The following SDCCAG8 variants were observed in gnomAD, a reference collection of about 807,000 sequenced individuals.
SDCCAG8 encodes serologically defined colon cancer antigen 8.
In SDCCAG8, 74 loss-of-function variants were observed where a neutral mutation model predicts 101.8. The ratio of observed to expected loss-of-function variants is 0.73; its 90% CI spans 0.60 to 0.88. The LOEUF (loss-of-function observed/expected upper bound fraction) is 0.88, where lower values mean the gene tolerates loss of function less well. Ranked by LOEUF, SDCCAG8 falls within the 40% of genes least tolerant of loss-of-function variation. The probability of loss-of-function intolerance (pLI) is 0.00; values close to 1 mark genes in which losing one functional copy is unlikely to be tolerated. For synonymous variants in SDCCAG8, 281 were observed against 292.9 expected (o/e 0.96, Z 0.41); for missense variants, 787 against 822.6 (o/e 0.96, Z 0.53).
At position 243,441,721 on chromosome 1, in the gene SDCCAG8, T is replaced by C. The variant is rs528886414; in HGVS notation, c.1985+15163T>C. Among the ~76,000 whole-genome samples the C allele has an allele frequency of 5.0e-4, 76 of 152,310 alleles. 1 individual carries two copies. The highest frequency in any genetic ancestry group is 1.8e-3 in the African/African-American group (75 of 41,574). ...CAGATATATCATACAGACTTTGGAG[T>C]ATCTTAACATTGAGATTGTTTTATA... On this transcript the variant is annotated intron_variant, in intron 16 of 17. Transcript: ENST00000366541.
intron 9 of SDCCAG8, among the ~76,000 whole-genome samples, chr1:243,324,635 G>T (rs895549700): frequency 6.6e-6 from 1 of 151,780 alleles, no homozygotes; most frequent in Middle Eastern, 3.4e-3. Context: ...TATACTTCAC[G>T]TATTCTTATA....
intron 12 of SDCCAG8, among the ~76,000 whole-genome samples, chr1:243,353,516 A>AAAAAAAAAAG (rs1157553014): frequency 6.7e-6 from 1 of 148,514 alleles, no homozygotes; most frequent in African/African-American, 2.5e-5. Flanking sequence ...AAAAAAAAAA[A>AAAAAAAAAAG]AAAAAAAGAA....
intron 13 of SDCCAG8, among the ~76,000 whole-genome samples, chr1:243,391,485 AGT>A (rs2078693919): frequency 6.6e-6 from 1 of 152,206 alleles, no homozygotes; most frequent in African/African-American, 2.4e-5. Context: ...CTGAGCTAAG[AGT>A]GTGCTCCACC....
intron 12 of SDCCAG8, among the ~76,000 whole-genome samples, chr1:243,362,271 A>G (rs936487871): frequency 6.6e-6 from 1 of 151,830 alleles, no homozygotes; most frequent in Non-Finnish European, 1.5e-5. Context: ...CAGTAACTGG[A>G]TGGATAGGTG....
chr1:243,278,527 T>G (rs2068765622), intron 4 of SDCCAG8, among the ~76,000 whole-genome samples: 1 of 152,228 alleles, frequency 6.6e-6, no homozygotes, highest in Non-Finnish European at 1.5e-5. Flanking sequence ...CCACCTATTT[T>G]ATTTTTTAGT....
At chr1:243,267,625 C>T (rs998946208) in intron 1 of SDCCAG8, 2 of 660,656 alleles carry the variant, frequency 3.0e-6, no homozygotes, top group South Asian at 1.6e-5. Context: ...AAAAAAGTCC[C>T]GGTCAACTGT....
chr1:243,363,680 C>G (rs1000673004), intron 12 of SDCCAG8, among the ~76,000 whole-genome samples: 5 of 152,064 alleles, frequency 3.3e-5, no homozygotes, highest in African/African-American at 1.2e-4. Context: ...CTGTTCTATG[C>G]CTATTTTATT....
chr1:243,287,674 A>C (rs1400244838), intron 5 of SDCCAG8, among the ~76,000 whole-genome samples: 1 of 152,230 alleles, frequency 6.6e-6, no homozygotes, highest in East Asian at 1.9e-4. Flanking sequence ...TTTAATGTCA[A>C]TTTGAGGAAG....
chr1:243,409,655 G>T (rs2080030790), intron 13 of SDCCAG8, among the ~76,000 whole-genome samples: 1 of 152,164 alleles, frequency 6.6e-6, no homozygotes. Context: ...ATAGAGACAT[G>T]TCACGTAGGA....
intron 5 of SDCCAG8, 65 bp downstream of exon 5, chr1:243,286,462 C>T (rs2069627764): frequency 1.4e-5 from 22 of 1,537,800 alleles, no homozygotes; most frequent in South Asian, 5.7e-5. Context: ...CCTCTCTCCT[C>T]GCCTTCTTCG....
At chr1:243,349,589 T>C (rs2075966352) in intron 12 of SDCCAG8, among the ~76,000 whole-genome samples, 1 of 152,104 alleles carries the variant, frequency 6.6e-6, no homozygotes, top group African/African-American at 2.4e-5. Context: ...ATAATAACAA[T>C]GGTTTTAGAG....
At chr1:243,451,998 C>T (rs966179690) in intron 16 of SDCCAG8, among the ~76,000 whole-genome samples, 3 of 152,304 alleles carry the variant, frequency 2.0e-5, no homozygotes, top group African/African-American at 7.2e-5. Flanking sequence ...GGTCATGACC[C>T]ACAGTTAAAA....
Position 243,271,835 on chromosome 1 carries a change from C to T in SDCCAG8, c.306+772C>T, listed in dbSNP as rs537876596. Reference sequence around the variant, plus strand: ...CCGGGATTATAGGTGTGAGCCACCGCGCCTGGCCTCAAAATAATACGTTTT... The same window carrying T: ...CCGGGATTATAGGTGTGAGCCACCGTGCCTGGCCTCAAAATAATACGTTTT... On this transcript the variant is annotated intron_variant, in intron 3 of 17. Transcript: ENST00000366541. 5.5e-4 allele frequency among the ~76,000 whole-genome samples: 83 copies of T among 152,148 alleles called. 1 individual carries two copies. Among genetic ancestry groups the T allele is most frequent in the African/African-American group, 1.9e-3 (77 of 41,508 alleles).
intron 10 of SDCCAG8, among the ~76,000 whole-genome samples, chr1:243,331,897 A>G (rs2074625393): frequency 6.6e-6 from 1 of 152,196 alleles, no homozygotes; most frequent in African/African-American, 2.4e-5. Context: ...ATGTTACACA[A>G]ATGTTTTCAT....
chr1:243,474,073 TC>T lies in SDCCAG8; in HGVS notation c.1986-14939del, dbSNP rs1408210113. 6.6e-6 allele frequency among the ~76,000 whole-genome samples: 1 copy of T among 152,126 alleles called. No individual in the cohort carries two copies. The highest frequency in any genetic ancestry group is 2.4e-5 in the African/African-American group (1 of 41,432). ...GGCCTATTAGCCAAGATTTTTTTTT[TC>T]CTGTTTATTAAAATTTGAGTCCTTC... On this transcript the variant is annotated intron_variant, in intron 16 of 17. Coordinates refer to ENST00000366541, the MANE Select transcript of SDCCAG8 (RefSeq NM_006642.5). The surrounding 1 kb of genome is among the most constrained non-coding windows in gnomAD (Gnocchi z 4.7).
At chr1:243,445,665 A>G (rs6703335) in intron 16 of SDCCAG8, among the ~76,000 whole-genome samples, 76,603 of 152,012 alleles carry the variant, frequency 0.5, 20,794 homozygotes, top group East Asian at 0.78. Flanking sequence ...CCCAAAATAC[A>G]TCTTTTATTG....
chr1:243,301,759 G>A (rs2636322), intron 6 of SDCCAG8, among the ~76,000 whole-genome samples: 142,254 of 151,110 alleles, frequency 0.94, 67,299 homozygotes, highest in East Asian at 1. Flanking sequence ...ATAATTTGAG[G>A]AAAAAAAAAG....
rs76262333 is a variant in SDCCAG8, at chr1:243,313,094, T to C, written c.930-3661T>C. Among the ~76,000 whole-genome samples the C allele has an allele frequency of 2.8e-3, 424 of 152,330 alleles. 2 individuals are homozygous for C. Among genetic ancestry groups the C allele is most frequent in the African/African-American group, 9.7e-3 (402 of 41,572 alleles). On this transcript the variant is annotated intron_variant, in intron 8 of 17. Coordinates refer to ENST00000366541, the MANE Select transcript of SDCCAG8 (RefSeq NM_006642.5). ...AAGAGAAAAGATTCCAAGGGTACTT[T>C]TCTGGGGCTTTAGTCCAGCTTGTGA...
At chr1:243,415,868 C>T in intron 14 of SDCCAG8, 39 bp downstream of exon 14, 2 of 1,609,056 alleles carry the variant, frequency 1.2e-6, no homozygotes, top group Non-Finnish European at 8.5e-7. Flanking sequence ...GGCACTAGCT[C>T]ACAAGTCAGG....
Sources: gnomAD v4.1 joint callset for allele counts (sites outside exome capture counted in the v4.1 genomes callset) on GRCh38, gnomAD v4.1.1 for gene constraint, Gnocchi (gnomAD v3.1) non-coding constraint, MANE v1.5 for transcripts, NCBI Gene and HGNC (gene_info 2026-07-23, HGNC 2026-07-21) for gene names.